TOP6BL: variants seen among roughly 807,000 people sequenced by gnomAD.
TOP6BL encodes the protein TOP6B like initiator of meiotic double strand breaks.
At chr11:66,812,232 A>G in the TOP6BL span, among the ~76,000 whole-genome samples, 1,570 of 146,620 alleles carry the variant, frequency 0.011, 34 homozygotes, top group African/African-American at 0.038. Flanking sequence ...GCTGGAGTGC[A>G]GTGGCGCAAT....
the TOP6BL span, among the ~76,000 whole-genome samples, chr11:66,798,296 TC>T: frequency 6.6e-6 from 1 of 152,074 alleles, no homozygotes; most frequent in Non-Finnish European, 1.5e-5. Context: ...AATGGATAGT[TC>T]CTTTAAAAAG....
the TOP6BL span, chr11:66,758,406 G>A: frequency 7.0e-6 from 1 of 142,688 alleles, no homozygotes; most frequent in African/African-American, 2.6e-5. Context: ...CCGCCTCCTG[G>A]GTTCACGCCA....
the TOP6BL span, chr11:66,761,845 C>G: frequency 1.1e-6 from 1 of 906,446 alleles, no homozygotes. Flanking sequence ...TCTTGTCCAG[C>G]TTCATCCTCT....
chr11:66,827,556 C>G, the TOP6BL span, among the ~76,000 whole-genome samples: 3 of 151,928 alleles, frequency 2.0e-5, no homozygotes, highest in Non-Finnish European at 4.4e-5. Context: ...AGTCTCATAT[C>G]AGCCTCAGTT....
At chr11:66,830,266 C>T in the TOP6BL span, among the ~76,000 whole-genome samples, 1,982 of 152,164 alleles carry the variant, frequency 0.013, 44 homozygotes, top group African/African-American at 0.045. Context: ...TCTAGAAAAT[C>T]CCCAAATATT....
At chr11:66,759,154 T>C in the TOP6BL span, 2 of 1,187,266 alleles carry the variant, frequency 1.7e-6, no homozygotes, top group Non-Finnish European at 2.3e-6. Context: ...TAATTTGATA[T>C]TTTCTGAAAC....
the TOP6BL span, chr11:66,761,893 C>T: frequency 8.5e-7 from 1 of 1,172,960 alleles, no homozygotes; most frequent in Non-Finnish European, 1.3e-6. Context: ...TTCTTGCCAT[C>T]ATTCTTTATA....
the TOP6BL span, among the ~76,000 whole-genome samples, chr11:66,784,157 A>T: frequency 2.0e-5 from 3 of 151,928 alleles, no homozygotes; most frequent in African/African-American, 7.3e-5. Flanking sequence ...CAGCCTCCCG[A>T]GTAGCTGGGA....
the TOP6BL span, among the ~76,000 whole-genome samples, chr11:66,770,846 C>T: frequency 1.3e-5 from 2 of 152,158 alleles, no homozygotes; most frequent in Admixed American, 6.5e-5. Flanking sequence ...GTATAATCCC[C>T]TGCTGCCTTG....
chr11:66,783,672 C>T, the TOP6BL span, among the ~76,000 whole-genome samples: 51,422 of 151,976 alleles, frequency 0.34, 10,084 homozygotes, highest in African/African-American at 0.55. Flanking sequence ...ATAGCACTTA[C>T]ATCTGTCTTT....
chr11:66,830,271 A>G, the TOP6BL span, among the ~76,000 whole-genome samples: 2 of 152,336 alleles, frequency 1.3e-5, no homozygotes, highest in Admixed American at 6.5e-5. Context: ...AAAATCCCCA[A>G]ATATTTGGAA....
the TOP6BL span, among the ~76,000 whole-genome samples, chr11:66,774,590 A>G: frequency 6.6e-6 from 1 of 151,884 alleles, no homozygotes; most frequent in Admixed American, 6.6e-5. Context: ...AGTAACTGGG[A>G]CTACAGGCGC....
At chr11:66,826,665 C>T in the TOP6BL span, among the ~76,000 whole-genome samples, 1 of 146,524 alleles carries the variant, frequency 6.8e-6, no homozygotes, top group East Asian at 2.0e-4. Flanking sequence ...TGGGTCACTT[C>T]TTTTTTTTTT....
chr11:66,782,174 C>G, the TOP6BL span, among the ~76,000 whole-genome samples: 2 of 152,142 alleles, frequency 1.3e-5, no homozygotes, highest in Non-Finnish European at 2.9e-5. Context: ...CTAGAGCACA[C>G]CTTCATCGAC....
At chr11:66,745,034 G>T in the TOP6BL span, 1 of 1,115,558 alleles carries the variant, frequency 9.0e-7, no homozygotes, top group Non-Finnish European at 1.1e-6. Flanking sequence ...AAGGAGGAAG[G>T]TTCGGGAATC....
chr11:66,808,487 C>T, the TOP6BL span, among the ~76,000 whole-genome samples: 2 of 151,300 alleles, frequency 1.3e-5, no homozygotes, highest in Non-Finnish European at 2.9e-5. Flanking sequence ...ATGATCGTGC[C>T]ATTGCCCTTC....
chr11:66,761,981 A>T, the TOP6BL span: 1 of 1,568,022 alleles, frequency 6.4e-7, no homozygotes, highest in Non-Finnish European at 8.8e-7. Context: ...CCTCCTCACC[A>T]TCAAATGTTG....
the TOP6BL span, among the ~76,000 whole-genome samples, chr11:66,793,340 G>A: frequency 2.0e-5 from 3 of 151,316 alleles, no homozygotes; most frequent in African/African-American, 7.3e-5. Context: ...TGATCTGCCC[G>A]CCTCAGCATC....
At chr11:66,812,135 A>G in the TOP6BL span, among the ~76,000 whole-genome samples, 2 of 151,702 alleles carry the variant, frequency 1.3e-5, no homozygotes, top group Non-Finnish European at 2.9e-5. Flanking sequence ...TTATAAGACA[A>G]CTGCACATCT....
Sources: gnomAD v4.1 joint callset for allele counts (sites outside exome capture counted in the v4.1 genomes callset) on GRCh38, gnomAD v4.1.1 for gene constraint, MANE v1.5 for transcripts, NCBI Gene and HGNC (gene_info 2026-07-23, HGNC 2026-07-21) for gene names.